PDE4D: variants seen among roughly 807,000 people sequenced by gnomAD.
The protein encoded by PDE4D is phosphodiesterase 4D.
In PDE4D, 24 loss-of-function variants were observed where a neutral mutation model predicts 87.4. That is an observed-to-expected ratio of 0.27 (90% CI 0.20 to 0.39). The LOEUF is 0.39. PDE4D is among the 10% of genes least tolerant of loss of function. The pLI, the probability that PDE4D is intolerant of heterozygous loss-of-function variation, is 1.00. For missense variants in PDE4D, 714 were observed against 1,041.0 expected, an observed-to-expected ratio of 0.69 and a Z score of 4.32; for synonymous variants, 384 against 383.2, an observed-to-expected ratio of 1.00 and a Z score of -0.02.
Position 59,275,767 on chromosome 5 carries a change from G to C in PDE4D, c.456-59799C>G, listed in dbSNP as rs1581720350. The C allele has an allele frequency of 4.0e-6, 4 of 999,970 alleles. No individual in the cohort carries two copies. The East Asian group carries it at 4.2e-4, about 104-fold the overall frequency. The allele number at this position is 999,970 out of a possible 1,614,324, so 61.9% of individuals were successfully genotyped here. ...TTGATCTCTTTTTTGCAATTCCATA[G>C]TAACAGCTTTAAAGGTTTCTGACAC... On this transcript the variant is annotated intron_variant, in intron 1 of 14. Transcript: ENST00000340635.
chr5:60,142,078 C>A (rs553042135), intron 2 of PDE4D, among the ~76,000 whole-genome samples: 2 of 151,986 alleles, frequency 1.3e-5, no homozygotes, highest in Non-Finnish European at 2.9e-5. Context: ...ACATTGAGTA[C>A]CTACACATGC....
At chr5:59,169,466 G>C (rs902309346) in intron 5 of PDE4D, among the ~76,000 whole-genome samples, 12 of 152,094 alleles carry the variant, frequency 7.9e-5, no homozygotes, top group Admixed American at 4.6e-4. Flanking sequence ...TCTCAGAGAC[G>C]AGCAAGCTGC....
chr5:59,969,437 C>A (rs1232547566), intron 3 of PDE4D, among the ~76,000 whole-genome samples: 1 of 152,024 alleles, frequency 6.6e-6, no homozygotes, highest in Non-Finnish European at 1.5e-5. Flanking sequence ...AAAGAAGATG[C>A]CTGGAGGGAA....
intron 5 of PDE4D, among the ~76,000 whole-genome samples, chr5:59,099,768 CT>C (rs1198023743): frequency 6.6e-6 from 1 of 152,112 alleles, no homozygotes; most frequent in Non-Finnish European, 1.5e-5. Flanking sequence ...TGTTTTGAGG[CT>C]TTTTTGCTTT....
At chr5:60,185,589 T>A in exon 2 of PDE4D, 1 of 1,531,142 alleles carries the variant, frequency 6.5e-7, no homozygotes, top group Non-Finnish European at 8.8e-7. Flanking sequence ...TCACAGGTAT[T>A]TCTTTTCATC....
chr5:59,375,641 C>G (rs1784586035), intron 1 of PDE4D, among the ~76,000 whole-genome samples: 1 of 152,196 alleles, frequency 6.6e-6, no homozygotes, highest in South Asian at 2.1e-4. Flanking sequence ...CCTGCTGAAA[C>G]TATTCCCCAA....
intron 1 of PDE4D, among the ~76,000 whole-genome samples, chr5:59,604,276 C>T (rs1188364523): frequency 6.6e-6 from 1 of 151,932 alleles, no homozygotes; most frequent in African/African-American, 2.4e-5. Context: ...TACATATCTC[C>T]TAGATTTCTT....
At chr5:59,053,646 T>G (rs1761888648) in intron 5 of PDE4D, among the ~76,000 whole-genome samples, 1 of 98,674 alleles carries the variant, frequency 1.0e-5, no homozygotes, top group South Asian at 3.0e-4. Flanking sequence ...TTGTTTTTTG[T>G]TTTTTTTTGT....
intron 1 of PDE4D, among the ~76,000 whole-genome samples, chr5:60,226,211 T>C (rs965261885): frequency 4.6e-5 from 7 of 152,132 alleles, no homozygotes; most frequent in Non-Finnish European, 8.8e-5. Flanking sequence ...GTGCTTCTTA[T>C]TGACATGAAA....
At chr5:59,185,135 G>T in intron 4 of PDE4D, 54 bp downstream of exon 4, 1 of 1,414,984 alleles carries the variant, frequency 7.1e-7, no homozygotes, top group Non-Finnish European at 1.0e-6. Context: ...ATCAAGTTGA[G>T]AAAACTTATT....
At chr5:60,174,268 A>T (rs1319943388) in intron 2 of PDE4D, among the ~76,000 whole-genome samples, 1 of 152,170 alleles carries the variant, frequency 6.6e-6, no homozygotes, top group Non-Finnish European at 1.5e-5. Flanking sequence ...ATCTTGGGGA[A>T]CAGCATTGTT....
intron 5 of PDE4D, among the ~76,000 whole-genome samples, chr5:59,098,697 CAAAAAAAA>C (rs3061415): frequency 1.5e-5 from 1 of 67,018 alleles, no homozygotes; most frequent in Non-Finnish European, 2.7e-5. Flanking sequence ...GAGAAAGACT[CAAAAAAAA>C]AAAAAAAAAA....
chr5:60,323,110 C>T (rs577570130), intron 1 of PDE4D, among the ~76,000 whole-genome samples: 1 of 152,288 alleles, frequency 6.6e-6, no homozygotes, highest in South Asian at 2.1e-4. Context: ...TCTTCTCACT[C>T]TTTTGTGTAT....
intron 6 of PDE4D, among the ~76,000 whole-genome samples, chr5:58,994,914 TC>T (rs1396437117): frequency 1.6e-5 from 1 of 61,990 alleles, no homozygotes; most frequent in Non-Finnish European, 2.9e-5. Flanking sequence ...CCCTCCCCCC[TC>T]CCCCCACCCC....
At chr5:59,776,547 G>A (rs887459072) in intron 1 of PDE4D, among the ~76,000 whole-genome samples, 5 of 152,134 alleles carry the variant, frequency 3.3e-5, no homozygotes, top group Non-Finnish European at 7.3e-5. Context: ...TGCTTTTATG[G>A]CTCTGAAACT....
chr5:59,146,664 T>C (rs1778705931), intron 5 of PDE4D, among the ~76,000 whole-genome samples: 1 of 152,200 alleles, frequency 6.6e-6, no homozygotes, highest in African/African-American at 2.4e-5. Flanking sequence ...CTTCTTATTC[T>C]GATTCTGTTG....
intron 1 of PDE4D, among the ~76,000 whole-genome samples, chr5:59,873,750 T>C (rs78452677): frequency 3.9e-4 from 60 of 152,352 alleles, no homozygotes; most frequent in African/African-American, 1.4e-3. Context: ...GCGTTTTACA[T>C]TCGCTTTCAA....
intron 5 of PDE4D, among the ~76,000 whole-genome samples, chr5:59,150,834 T>G (rs1218479669): frequency 6.6e-6 from 1 of 152,158 alleles, no homozygotes; most frequent in African/African-American, 2.4e-5. Context: ...AAAAAAAATT[T>G]TTAAATCTAC....
At chr5:60,281,709 G>T (rs1751921978) in intron 1 of PDE4D, among the ~76,000 whole-genome samples, 1 of 152,092 alleles carries the variant, frequency 6.6e-6, no homozygotes, top group Admixed American at 6.5e-5. Context: ...CTTAGTAAAA[G>T]AAGTGAAAAA....
Sources: allele counts gnomAD v4.1 joint callset (sites outside exome capture counted in the v4.1 genomes callset), GRCh38; gene constraint gnomAD v4.1.1; transcripts MANE v1.5; gene names NCBI Gene and HGNC (gene_info 2026-07-23, HGNC 2026-07-21).